RANBP17: variants seen among roughly 807,000 people sequenced by gnomAD.
RANBP17 encodes ran-binding protein 17.
In RANBP17, 158 loss-of-function variants were observed where a neutral mutation model predicts 141.2. The observed-to-expected ratio is 1.12, with a 90% CI of 0.98 to 1.28. The LOEUF (loss-of-function observed/expected upper bound fraction) is 1.28. RANBP17 is among the 50% of genes most tolerant of loss of function. RANBP17 has a pLI of 0.00. For synonymous variants in RANBP17, 430 were observed against 450.0 expected (o/e 0.96, Z 0.56); for missense variants, 1,438 against 1,290.7 (o/e 1.11, Z -1.75).
At chr5:171,162,453 C>T (rs1581767704) in intron 14 of RANBP17, among the ~76,000 whole-genome samples, 3 of 152,134 alleles carry the variant, frequency 2.0e-5, no homozygotes. Context: ...GTCAGTGGCT[C>T]CCTGAAGGAA....
chr5:171,080,058 G>A (rs770945427), intron 14 of RANBP17, among the ~76,000 whole-genome samples: 12 of 152,040 alleles, frequency 7.9e-5, no homozygotes, highest in South Asian at 2.1e-4. Flanking sequence ...TTTACCCTTC[G>A]GATCCACTCA....
intron 24 of RANBP17, chr5:171,252,666 T>C: frequency 7.1e-7 from 1 of 1,416,462 alleles, no homozygotes. Context: ...TAAAACTTAG[T>C]CTATTTAACA....
chr5:171,198,951 A>G (rs898431399), intron 18 of RANBP17, among the ~76,000 whole-genome samples: 3 of 152,188 alleles, frequency 2.0e-5, no homozygotes, highest in African/African-American at 7.2e-5. Context: ...TATATAAATT[A>G]TCAATTGTGC....
chr5:171,100,993 A>G (rs1012275113), intron 14 of RANBP17, among the ~76,000 whole-genome samples: 2 of 152,138 alleles, frequency 1.3e-5, no homozygotes, highest in Non-Finnish European at 2.9e-5. Flanking sequence ...GTTCTTTTGC[A>G]TTTGCTGAGG....
chr5:171,280,083 A>T (rs1233181505), intron 25 of RANBP17, among the ~76,000 whole-genome samples: 1 of 152,160 alleles, frequency 6.6e-6, no homozygotes. Flanking sequence ...GCACAGTATA[A>T]AGTAAGAGTG....
At position 171,112,599 on chromosome 5, in the gene RANBP17, C is replaced by T. The variant is rs189580101; in HGVS notation, c.1711-57531C>T. On this transcript the variant is annotated intron_variant, in intron 14 of 27. Transcript: ENST00000523189. The stretch of plus-strand genomic sequence containing the variant: ...TCATGAAAAAGGAAACACTGATTGA[C>T]GGATCTGGTAAAGGAACAGCAGAAC... Among the ~76,000 whole-genome samples, 5 of 152,030 alleles carry T rather than the reference C, an allele frequency of 3.3e-5. No individual in the cohort carries two copies. The East Asian group carries it at 5.8e-4, about 18-fold the overall frequency.
chr5:171,088,044 A>T (rs1785831215), intron 14 of RANBP17, among the ~76,000 whole-genome samples: 2 of 149,582 alleles, frequency 1.3e-5, no homozygotes, highest in South Asian at 2.1e-4. Context: ...TAGTTGATGC[A>T]GTTTCTTCCT....
intron 22 of RANBP17, among the ~76,000 whole-genome samples, chr5:171,229,774 AAAAG>A (rs1764096336): frequency 1.3e-5 from 2 of 150,866 alleles, no homozygotes; most frequent in South Asian, 4.2e-4. Flanking sequence ...AAAAAAAAAA[AAAAG>A]AATCCACCTG....
At chr5:171,103,229 C>G (rs1787299418) in intron 14 of RANBP17, among the ~76,000 whole-genome samples, 1 of 152,182 alleles carries the variant, frequency 6.6e-6, no homozygotes, top group Admixed American at 6.5e-5. Context: ...TGCTCTGTCC[C>G]AGGGAGATGG....
At chr5:171,091,578 A>G (rs1271629924) in intron 14 of RANBP17, among the ~76,000 whole-genome samples, 1 of 152,184 alleles carries the variant, frequency 6.6e-6, no homozygotes, top group Admixed American at 6.5e-5. Context: ...GGGAGGGGCC[A>G]GGAGTGGAAT....
intron 25 of RANBP17, among the ~76,000 whole-genome samples, chr5:171,268,935 G>T (rs370059211): frequency 6.6e-6 from 1 of 152,292 alleles, no homozygotes; most frequent in African/African-American, 2.4e-5. Flanking sequence ...CAGAATTAGC[G>T]TGCATTTGTT....
rs1766816911 is a variant in RANBP17, at chr5:170,862,040, C to G, written c.7C>G (p.Leu3Val). The G allele has an allele frequency of 6.8e-7, 1 of 1,463,626 alleles. No individual in the cohort carries two copies. The highest frequency in any genetic ancestry group is 1.3e-5 in the South Asian group (1 of 76,502). 90.7% of individuals were successfully genotyped at this position (1,463,626 alleles called of 1,614,324 possible). A position where few individuals can be genotyped will look rare whatever the true frequency, so the allele number is the denominator to read the frequency against. Residue 3 changes from leucine to valine, a missense_variant, in exon 1 of 28, where the codon CTG becomes GTG. By Grantham distance (32) the Leu-to-Val change is conservative. Transcript: ENST00000523189. ...GGCGCCGCCTCCTGGGAAGATGGCG[C>G]TGCACTTCCAGGTCAGTGTGCTCTG... MALHFQSLAELEV... is the reference protein window; with the variant it reads MAVHFQSLAELEV...
intron 14 of RANBP17, among the ~76,000 whole-genome samples, chr5:171,154,065 A>G (rs1376357324): frequency 2.0e-5 from 3 of 151,162 alleles, no homozygotes; most frequent in Non-Finnish European, 4.4e-5. Flanking sequence ...AATTGCAAAC[A>G]AGACCAAGAA....
chr5:171,100,547 A>T (rs1787075169), intron 14 of RANBP17, among the ~76,000 whole-genome samples: 1 of 152,102 alleles, frequency 6.6e-6, no homozygotes, highest in African/African-American at 2.4e-5. Flanking sequence ...TCCAAAAACC[A>T]GCTCCTGGAT....
intron 4 of RANBP17, among the ~76,000 whole-genome samples, chr5:170,893,248 A>AAACC (rs1253871508): frequency 1.3e-5 from 2 of 151,858 alleles, no homozygotes; most frequent in Non-Finnish European, 1.5e-5. Context: ...GCCAAAAAAA[A>AAACC]AAACCAAACC....
chr5:171,012,829 TTAA>T (rs1427400670), intron 14 of RANBP17, among the ~76,000 whole-genome samples: 1 of 152,186 alleles, frequency 6.6e-6, no homozygotes, highest in Non-Finnish European at 1.5e-5. Context: ...AAGTATACTT[TTAA>T]AAACAAATGT....
At chr5:171,042,691 A>T (rs1782326508) in intron 14 of RANBP17, among the ~76,000 whole-genome samples, 1 of 152,158 alleles carries the variant, frequency 6.6e-6, no homozygotes, top group African/African-American at 2.4e-5. Context: ...TGCTTTTCTT[A>T]ATTATAACTA....
At chr5:171,071,412 G>A (rs1342600260) in intron 14 of RANBP17, among the ~76,000 whole-genome samples, 1 of 151,776 alleles carries the variant, frequency 6.6e-6, no homozygotes, top group East Asian at 1.9e-4. Flanking sequence ...AATTTGAAAT[G>A]GAAAAAGAGG....
chr5:171,070,062 G>T (rs2127690733), intron 14 of RANBP17, among the ~76,000 whole-genome samples: 1 of 152,136 alleles, frequency 6.6e-6, no homozygotes, highest in African/African-American at 2.4e-5. Context: ...GGCCTTAAAG[G>T]CTAAGCATGT....
Sources: allele counts gnomAD v4.1 joint callset (sites outside exome capture counted in the v4.1 genomes callset), GRCh38; gene constraint gnomAD v4.1.1; transcripts MANE v1.5; gene names NCBI Gene and HGNC (gene_info 2026-07-23, HGNC 2026-07-21).